The following CATSPERE variants were observed in gnomAD, a reference collection of about 807,000 sequenced individuals.
CATSPERE encodes the protein catsper channel auxiliary subunit epsilon.
In CATSPERE, 93 loss-of-function variants were observed where a neutral mutation model predicts 114.1. That is an observed-to-expected ratio of 0.81 (90% CI 0.69 to 0.97). The LOEUF is 0.97. Among genes scored for constraint, CATSPERE ranks in the 50% least tolerant of loss-of-function variants. The pLI is 0.00. For missense variants in CATSPERE, 1,058 were observed against 1,131.6 expected, an observed-to-expected ratio of 0.93 and a Z score of 0.93; for synonymous variants, 341 against 384.1, an observed-to-expected ratio of 0.89 and a Z score of 1.31.
chr1:244,487,037 G>A (rs1461364175), intron 5 of CATSPERE, among the ~76,000 whole-genome samples: 13 of 150,756 alleles, frequency 8.6e-5, no homozygotes, highest in Non-Finnish European at 1.8e-4. Flanking sequence ...CGTGGGCCAG[G>A]TACAGACGCT....
chr1:244,618,760 A>C (rs1489193043), intron 20 of CATSPERE, among the ~76,000 whole-genome samples: 4 of 152,168 alleles, frequency 2.6e-5, no homozygotes, highest in African/African-American at 9.7e-5. Flanking sequence ...CAGGCTGGGC[A>C]ACAAGAGGGA....
rs1041189700 is a variant in CATSPERE, at chr1:244,581,049, G to T, written c.1951-747G>T. 4.0e-5 allele frequency among the ~76,000 whole-genome samples: 6 copies of T among 151,840 alleles called. No individual in the cohort carries two copies. The East Asian group carries it at 9.6e-4, about 24-fold the overall frequency. On this transcript the variant is annotated intron_variant, in intron 11 of 21. Coordinates refer to ENST00000366534, the MANE Select transcript of CATSPERE (RefSeq NM_001130957.2). ...AATAATTTCCTCACTTTTCTTAATA[G>T]TTTCACAACCTACATATGCATCACT...
upstream of CATSPERE, among the ~76,000 whole-genome samples, chr1:244,461,170 G>A (rs1322228003): frequency 6.6e-6 from 1 of 151,914 alleles, no homozygotes; most frequent in African/African-American, 2.4e-5. Flanking sequence ...CTCACTGCTG[G>A]AAAGCCTGGT....
chr1:244,589,756 A>G (rs919607224), intron 14 of CATSPERE, among the ~76,000 whole-genome samples: 27 of 152,324 alleles, frequency 1.8e-4, no homozygotes, highest in East Asian at 7.7e-4. Flanking sequence ...CTAAAGTGAG[A>G]TGGAAAGCAG....
chr1:244,639,319 G>C (rs1675039867), intron 21 of CATSPERE, among the ~76,000 whole-genome samples: 1 of 152,164 alleles, frequency 6.6e-6, no homozygotes, highest in Admixed American at 6.5e-5. Context: ...CTCATACCAA[G>C]CTAACTCCTG....
intron 1 of CATSPERE, among the ~76,000 whole-genome samples, chr1:244,463,055 T>C (rs1465760608): frequency 1.3e-5 from 2 of 152,172 alleles, no homozygotes; most frequent in Non-Finnish European, 2.9e-5. Flanking sequence ...GTAAGTGTAA[T>C]GTACACACCA....
chr1:244,528,787 A>ACACACGCACGCG (rs1286241541), intron 8 of CATSPERE, among the ~76,000 whole-genome samples: 5 of 129,824 alleles, frequency 3.9e-5, no homozygotes, highest in African/African-American at 1.4e-4. Flanking sequence ...ATCCCCCACC[A>ACACACGCACGCG]CACACACACA....
intron 17 of CATSPERE, among the ~76,000 whole-genome samples, chr1:244,603,920 G>C (rs950041659): frequency 2.0e-5 from 3 of 152,154 alleles, no homozygotes; most frequent in African/African-American, 7.2e-5. Flanking sequence ...TTGAGCCCAA[G>C]AATTAGGGGT....
chr1:244,464,307 G>T (rs775763648), intron 2 of CATSPERE, among the ~76,000 whole-genome samples: 1 of 152,198 alleles, frequency 6.6e-6, no homozygotes, highest in East Asian at 1.9e-4. Context: ...AAATCAGGAT[G>T]TATGGTCACC....
At position 244,621,158 on chromosome 1, in the gene CATSPERE, A is replaced by C. The variant is rs1454307756; in HGVS notation, c.2648+3472A>C. 5.9e-5 allele frequency among the ~76,000 whole-genome samples: 5 copies of C among 84,146 alleles called. No individual in the cohort carries two copies. In the East Asian group the frequency reaches 8.0e-4, roughly 13 times the overall value. 55.2% of individuals were successfully genotyped at this position (84,146 alleles called of 152,430 possible). ...ATATAAAATATATATATTATAAAATATATATATTATATATAGATATATTTA... is the reference window on the plus strand; with the variant it reads ...ATATAAAATATATATATTATAAAATCTATATATTATATATAGATATATTTA... On this transcript the variant is annotated intron_variant, in intron 20 of 21. Coordinates refer to ENST00000366534, the MANE Select transcript of CATSPERE (RefSeq NM_001130957.2).
chr1:244,555,917 T>C (rs1661505292), intron 9 of CATSPERE, among the ~76,000 whole-genome samples: 1 of 152,040 alleles, frequency 6.6e-6, no homozygotes, highest in Non-Finnish European at 1.5e-5. Context: ...TAAGGCTGAG[T>C]AGAATAGTTC....
rs981643040 is a variant in CATSPERE, at chr1:244,520,148, A to G, written c.536+1450A>G. 2.0e-5 allele frequency among the ~76,000 whole-genome samples: 3 copies of G among 152,230 alleles called. No homozygotes were observed. In the South Asian group the frequency reaches 6.2e-4, roughly 32 times the overall value. ...AAGTTTTACATTTTTATGAATTCCTAATTACCTGTTTTTTTCCTTTGGTTC... is the reference window on the plus strand; with the variant it reads ...AAGTTTTACATTTTTATGAATTCCTGATTACCTGTTTTTTTCCTTTGGTTC... On this transcript the variant is annotated intron_variant, in intron 8 of 21. Transcript: ENST00000366534.
chr1:244,526,259 A>G (rs1404687512), intron 8 of CATSPERE, among the ~76,000 whole-genome samples: 8 of 152,210 alleles, frequency 5.3e-5, no homozygotes, highest in Middle Eastern at 3.4e-3. Context: ...AAATACAAAA[A>G]TTAGCCAGGC....
intron 8 of CATSPERE, among the ~76,000 whole-genome samples, chr1:244,520,583 G>T (rs938311345): frequency 6.6e-6 from 1 of 152,128 alleles, no homozygotes; most frequent in African/African-American, 2.4e-5. Flanking sequence ...CATGCCACCA[G>T]GGCCTTGGGT....
chr1:244,477,835 A>G, intron 3 of CATSPERE, 71 bp from the exon 4 acceptor site: 1 of 1,305,896 alleles, frequency 7.7e-7, no homozygotes, highest in Non-Finnish European at 1.1e-6. Context: ...TTAGGCTTAA[A>G]AAATAGTAAG....
intron 19 of CATSPERE, 27 bp downstream of exon 19, chr1:244,610,353 G>A: frequency 6.6e-7 from 1 of 1,509,122 alleles, no homozygotes; most frequent in Non-Finnish European, 9.2e-7. Context: ...CTTCCAGATT[G>A]TTTATTTGGA....
chr1:244,588,881 G>A (rs1025856801), intron 14 of CATSPERE, among the ~76,000 whole-genome samples: 1 of 152,108 alleles, frequency 6.6e-6, no homozygotes, highest in Non-Finnish European at 1.5e-5. Context: ...ACACTTACCA[G>A]TTTTCCATCC....
At chr1:244,507,586 C>T (rs1328205161) in intron 7 of CATSPERE, among the ~76,000 whole-genome samples, 2 of 152,128 alleles carry the variant, frequency 1.3e-5, no homozygotes, top group Non-Finnish European at 2.9e-5. Context: ...AGCATTTCCT[C>T]TGTTTTCTTC....
chr1:244,635,902 G>T (rs1573131288), intron 21 of CATSPERE, among the ~76,000 whole-genome samples: 5 of 152,128 alleles, frequency 3.3e-5, no homozygotes, highest in Non-Finnish European at 4.4e-5. Context: ...AAAATTGTAT[G>T]TGTGTATAGT....
Sources: gnomAD v4.1 joint callset for allele counts (sites outside exome capture counted in the v4.1 genomes callset) on GRCh38, gnomAD v4.1.1 for gene constraint, MANE v1.5 for transcripts, NCBI Gene and HGNC (gene_info 2026-07-23, HGNC 2026-07-21) for gene names.